The following CNTNAP3 variants were observed in gnomAD, a reference collection of about 807,000 sequenced individuals.
CNTNAP3 encodes contactin-associated protein-like 3.
Under a neutral mutation model 92.1 loss-of-function variants are expected in CNTNAP3, and 36 were observed. The ratio of observed to expected loss-of-function variants is 0.39; its 90% CI spans 0.30 to 0.52. The LOEUF is 0.52. CNTNAP3 is among the 20% of genes least tolerant of loss of function. The pLI is 0.76. For missense variants in CNTNAP3, 534 were observed against 1,069.6 expected (o/e 0.50, Z 6.98); for synonymous variants, 232 against 422.3 (o/e 0.55, Z 5.53).
chr9:39,114,035 TACACACACAC>T (rs767827479), intron 14 of CNTNAP3, among the ~76,000 whole-genome samples: 10 of 141,478 alleles, frequency 7.1e-5, no homozygotes, highest in African/African-American at 2.5e-4. Context: ...CACACATATA[TACACACACAC>T]ACACACACAC....
chr9:39,069,751 C>A lies in CNTNAP3; in HGVS notation c.*4139G>T, dbSNP rs544403923. On this transcript the variant is annotated 3_prime_UTR_variant, in exon 24 of 24. Coordinates refer to ENST00000297668, the MANE Select transcript of CNTNAP3 (RefSeq NM_033655.5). Reference sequence around the variant, plus strand: ...TGCACTTAAGTATACCAACTTAAACCGTGAGTGGCTGTTCTGACAACACAT... The same window carrying A: ...TGCACTTAAGTATACCAACTTAAACAGTGAGTGGCTGTTCTGACAACACAT... Among the ~76,000 whole-genome samples, 3,417 of 148,340 alleles carry A rather than the reference C, an allele frequency of 0.023. No individual in the cohort carries two copies. The highest frequency in any genetic ancestry group is 0.036 in the Non-Finnish European group (2,356 of 65,176).
At chr9:39,141,324 T>C (rs1821569880) in intron 11 of CNTNAP3, among the ~76,000 whole-genome samples, 1 of 152,176 alleles carries the variant, frequency 6.6e-6, no homozygotes. Flanking sequence ...TCTTAAGCTA[T>C]GCGGCAGTTA....
chr9:39,066,838 T>A lies in CNTNAP3; in HGVS notation c.*7052A>T, dbSNP rs1825519150. ...CTTATGATGTGTTGTGATGTGGTTT[T>A]CTTAATAGCACCCCTACTTGGGGAT... On this transcript the variant is annotated 3_prime_UTR_variant, in exon 24 of 24. Transcript: ENST00000297668. 6.6e-6 allele frequency among the ~76,000 whole-genome samples: 1 copy of A among 152,278 alleles called. No individual in the cohort carries two copies. The highest frequency in any genetic ancestry group is 2.4e-5 in the African/African-American group (1 of 41,474).
At chr9:39,116,024 C>T (rs1211136584) in intron 14 of CNTNAP3, among the ~76,000 whole-genome samples, 1 of 152,058 alleles carries the variant, frequency 6.6e-6, no homozygotes, top group African/African-American at 2.4e-5. Context: ...GTGTGGCACT[C>T]GGCTGTAATC....
chr9:39,092,980 C>T (rs1390196385), intron 18 of CNTNAP3, among the ~76,000 whole-genome samples: 1 of 144,158 alleles, frequency 6.9e-6, no homozygotes, highest in Non-Finnish European at 1.5e-5. Context: ...TTTCTAGTAG[C>T]ACCTTTTGTT....
At position 39,071,114 on chromosome 9, in the gene CNTNAP3, A is replaced by G. The variant is rs1422387402; in HGVS notation, c.*2776T>C. On this transcript the variant is annotated 3_prime_UTR_variant, in exon 24 of 24. Coordinates refer to ENST00000297668, the MANE Select transcript of CNTNAP3 (RefSeq NM_033655.5). ...TAAAACTGAGGGAGCAGGTTAAAAA[A>G]ATCTTACATGTTAATACATGACTTA... Among the ~76,000 whole-genome samples the G allele has an allele frequency of 6.6e-6, 1 of 152,200 alleles. No homozygotes were observed. Among genetic ancestry groups the G allele is most frequent in the Non-Finnish European group, 1.5e-5 (1 of 68,010 alleles).
At position 39,066,849 on chromosome 9, in the gene CNTNAP3, C is replaced by T. The variant is rs1352162548; in HGVS notation, c.*7041G>A. Reference sequence around the variant, plus strand: ...TTGTGATGTGGTTTTCTTAATAGCACCCCTACTTGGGGATGTTGAGCTGGG... The same window carrying T: ...TTGTGATGTGGTTTTCTTAATAGCATCCCTACTTGGGGATGTTGAGCTGGG... On this transcript the variant is annotated 3_prime_UTR_variant, in exon 24 of 24. Transcript: ENST00000297668. Among the ~76,000 whole-genome samples the T allele has an allele frequency of 6.6e-6, 1 of 152,350 alleles. No individual in the cohort carries two copies. Among genetic ancestry groups the T allele is most frequent in the Non-Finnish European group, 1.5e-5 (1 of 68,032 alleles).
chr9:39,142,655 G>C (rs1460732687), intron 11 of CNTNAP3, among the ~76,000 whole-genome samples: 1 of 147,116 alleles, frequency 6.8e-6, no homozygotes, highest in Non-Finnish European at 1.5e-5. Flanking sequence ...CTGGGCGACA[G>C]AGCAAGACTC....
rs916755413 is a variant in CNTNAP3, at chr9:39,140,571, A to T, written c.1824T>A (p.Asp608Glu). The change falls in exon 12 of 24, where the codon GAT (aspartate) becomes GAA (glutamate). Residue 608 changes from aspartate to glutamate, a missense_variant. Asp to Glu is a conservative substitution (Grantham distance 45). Coordinates refer to ENST00000297668, the MANE Select transcript of CNTNAP3 (RefSeq NM_033655.5). ...RGNPSGLYYI[D>E]ADGSGPLGPF... The stretch of plus-strand genomic sequence containing the variant: ...GTCCCAGGGGGCCACTTCCATCTGC[A>T]TCAATATAGTAAAGCCCAGACGGGT... 1.2e-6 allele frequency: 2 copies of T among 1,613,812 alleles called. No individual in the cohort carries two copies. The highest frequency in any genetic ancestry group is 1.7e-6 in the Non-Finnish European group (2 of 1,179,788).
chr9:39,087,821 A>G (rs1826098181), intron 19 of CNTNAP3, among the ~76,000 whole-genome samples: 1 of 152,194 alleles, frequency 6.6e-6, no homozygotes, highest in Non-Finnish European at 1.5e-5. Flanking sequence ...TCTAGGCATG[A>G]AATTTTTGTG....
At chr9:39,138,079 T>TG (rs1429663921) in intron 12 of CNTNAP3, among the ~76,000 whole-genome samples, 1 of 151,426 alleles carries the variant, frequency 6.6e-6, no homozygotes, top group South Asian at 2.1e-4. Context: ...GTTGTAGAGG[T>TG]GGGGGTCTCA....
intron 21 of CNTNAP3, among the ~76,000 whole-genome samples, chr9:39,082,813 C>T (rs1442541600): frequency 1.3e-5 from 2 of 152,270 alleles, no homozygotes; most frequent in African/African-American, 2.4e-5. Context: ...ATCACTGCCC[C>T]GTAAGGCTTC....
chr9:39,146,165 G>A (rs1821693719), intron 10 of CNTNAP3, among the ~76,000 whole-genome samples: 1 of 152,004 alleles, frequency 6.6e-6, no homozygotes, highest in Non-Finnish European at 1.5e-5. Flanking sequence ...AATAATAGAG[G>A]AAGTAGCTAG....
chr9:39,178,990 G>GGTA (rs1822392807), intron 4 of CNTNAP3, among the ~76,000 whole-genome samples: 1 of 148,522 alleles, frequency 6.7e-6, no homozygotes, highest in South Asian at 2.1e-4. Flanking sequence ...GCTAGGCCAT[G>GGTA]GTAAACAGCT....
At chr9:39,102,969 C>T (rs1299530074) in intron 16 of CNTNAP3, among the ~76,000 whole-genome samples, 8 of 152,088 alleles carry the variant, frequency 5.3e-5, no homozygotes, top group Admixed American at 1.3e-4. Flanking sequence ...GATATGTACC[C>T]ATAGCTGGAC....
intron 11 of CNTNAP3, among the ~76,000 whole-genome samples, chr9:39,140,961 A>G (rs1450852609): frequency 6.6e-6 from 1 of 152,204 alleles, no homozygotes; most frequent in Non-Finnish European, 1.5e-5. Flanking sequence ...TCAAACATGA[A>G]GATGTGCTTA....
At chr9:39,108,474 C>A (rs1215525938) in intron 15 of CNTNAP3, among the ~76,000 whole-genome samples, 1 of 152,182 alleles carries the variant, frequency 6.6e-6, no homozygotes, top group Non-Finnish European at 1.5e-5. Context: ...AGCCTCCACA[C>A]ATTGAGGTAG....
intron 9 of CNTNAP3, among the ~76,000 whole-genome samples, chr9:39,150,308 G>C (rs2778132): frequency 3.6e-5 from 5 of 137,692 alleles, no homozygotes; most frequent in African/African-American, 1.4e-4. Context: ...ATTATGTAGT[G>C]TAAGTGAAAA....
intron 12 of CNTNAP3, among the ~76,000 whole-genome samples, chr9:39,136,960 A>G (rs559389005): frequency 1.3e-3 from 193 of 152,156 alleles, no homozygotes; most frequent in African/African-American, 4.4e-3. Flanking sequence ...AGCCTGGTAG[A>G]GTTTTGGGGG....
Sources: allele counts gnomAD v4.1 joint callset (sites outside exome capture counted in the v4.1 genomes callset), GRCh38; gene constraint gnomAD v4.1.1; transcripts MANE v1.5; gene names NCBI Gene and HGNC (gene_info 2026-07-23, HGNC 2026-07-21).